Variants in WDR17 observed in about 807,000 individuals in gnomAD.
The protein encoded by WDR17 is WD repeat-containing protein 17.
WDR17 carries 143 observed loss-of-function variants against 161.7 expected under a neutral mutation model. The ratio of observed to expected loss-of-function variants is 0.88; its 90% CI spans 0.77 to 1.02. WDR17 has a LOEUF of 1.02. Among genes scored for constraint, WDR17 ranks in the 50% least tolerant of loss-of-function variants. WDR17 has a pLI of 0.00. For synonymous variants in WDR17, 517 were observed against 515.6 expected, an observed-to-expected ratio of 1.00 and a Z score of -0.04; for missense variants, 1,469 against 1,520.9, an observed-to-expected ratio of 0.97 and a Z score of 0.57.
chr4:176,116,367 T>C (rs1740639486), intron 3 of WDR17, among the ~76,000 whole-genome samples: 1 of 151,892 alleles, frequency 6.6e-6, no homozygotes, highest in Admixed American at 6.6e-5. Flanking sequence ...ATTATGCATA[T>C]ATTTGATGCA....
intron 1 of WDR17, chr4:176,096,725 G>A: frequency 1.7e-6 from 1 of 573,878 alleles, no homozygotes; most frequent in Non-Finnish European, 2.8e-6. Flanking sequence ...ACACTTATTT[G>A]CTAGTTTTAA....
At chr4:176,119,735 A>C in intron 3 of WDR17, 132 bp from the exon 4 acceptor site, 1 of 824,596 alleles carries the variant, frequency 1.2e-6, no homozygotes, top group Non-Finnish European at 1.9e-6. Flanking sequence ...TTATAAATCC[A>C]ATTCCCAAAT....
chr4:176,073,301 A>G (rs6844703), intron 1 of WDR17, among the ~76,000 whole-genome samples: 79,379 of 151,634 alleles, frequency 0.52, 22,172 homozygotes, highest in South Asian at 0.63. Flanking sequence ...TCCCCTTACT[A>G]TGTCCATGTG....
At chr4:176,134,429 A>G (rs1744071276) in intron 7 of WDR17, among the ~76,000 whole-genome samples, 1 of 151,772 alleles carries the variant, frequency 6.6e-6, no homozygotes, top group African/African-American at 2.4e-5. Flanking sequence ...GGCCCACAGT[A>G]GTTAAGCACT....
chr4:176,095,072 G>A (rs575771706), intron 1 of WDR17, among the ~76,000 whole-genome samples: 2 of 152,100 alleles, frequency 1.3e-5, no homozygotes, highest in East Asian at 1.9e-4. Flanking sequence ...GACAAGGTTG[G>A]TAGAGTTGTT....
At chr4:176,111,340 G>T (rs976611126) in intron 1 of WDR17, 3 of 281,040 alleles carry the variant, frequency 1.1e-5, no homozygotes, top group Admixed American at 5.2e-5. Flanking sequence ...AATGTCAGCT[G>T]TCGTTCCTTC....
intron 28 of WDR17, among the ~76,000 whole-genome samples, chr4:176,179,010 A>G (rs536050675): frequency 2.6e-5 from 4 of 152,242 alleles, no homozygotes; most frequent in East Asian, 3.8e-4. Context: ...AACAATATTC[A>G]TCATCTTCTG....
chr4:176,118,642 A>C (rs1255628908), intron 3 of WDR17, among the ~76,000 whole-genome samples: 1 of 152,110 alleles, frequency 6.6e-6, no homozygotes, highest in Non-Finnish European at 1.5e-5. Context: ...TGCTTATTCC[A>C]TGTATTTAAA....
chr4:176,129,425 C>T (rs1244271182), intron 6 of WDR17, among the ~76,000 whole-genome samples: 3 of 151,978 alleles, frequency 2.0e-5, no homozygotes, highest in East Asian at 3.9e-4. Context: ...AAATAAAATA[C>T]ACTTAATTTA....
chr4:176,103,524 T>C (rs1738162534), intron 1 of WDR17, among the ~76,000 whole-genome samples: 1 of 151,892 alleles, frequency 6.6e-6, no homozygotes, highest in Non-Finnish European at 1.5e-5. Flanking sequence ...CTTGGGATGC[T>C]TAAAAACTAA....
intron 1 of WDR17, among the ~76,000 whole-genome samples, chr4:176,069,356 TA>T (rs1464269332): frequency 1.3e-5 from 2 of 152,110 alleles, no homozygotes; most frequent in African/African-American, 4.8e-5. Context: ...TTCTACATTC[TA>T]ATTTAAAAAA....
intron 9 of WDR17, among the ~76,000 whole-genome samples, chr4:176,138,137 A>G (rs1294445080): frequency 6.6e-6 from 1 of 151,648 alleles, no homozygotes; most frequent in Non-Finnish European, 1.5e-5. Flanking sequence ...TTGTCATCCC[A>G]TATTTTACTG....
intron 22 of WDR17, among the ~76,000 whole-genome samples, chr4:176,165,161 TAAAATACAAA>T (rs1367466077): frequency 4.2e-5 from 4 of 94,636 alleles, no homozygotes; most frequent in Non-Finnish European, 9.6e-5. Flanking sequence ...ACCCCATCTC[TAAAATACAAA>T]AAAAAAAAAA....
chr4:176,125,849 A>C (rs1354347528), intron 5 of WDR17, among the ~76,000 whole-genome samples: 1 of 152,196 alleles, frequency 6.6e-6, no homozygotes, highest in Non-Finnish European at 1.5e-5. Context: ...GTTTATAGTA[A>C]TCTAAACTAT....
chr4:176,121,306 A>G (rs1741544705), intron 4 of WDR17, among the ~76,000 whole-genome samples: 1 of 152,206 alleles, frequency 6.6e-6, no homozygotes, highest in Non-Finnish European at 1.5e-5. Flanking sequence ...TAGAATTCAT[A>G]GCTTTCTTTG....
At chr4:176,082,374 TG>T (rs893322840) in intron 1 of WDR17, among the ~76,000 whole-genome samples, 1 of 152,122 alleles carries the variant, frequency 6.6e-6, no homozygotes, top group Non-Finnish European at 1.5e-5. Context: ...TGAAGAAGGC[TG>T]TAAGTAATTG....
chr4:176,145,499 T>C (rs1746019545), intron 11 of WDR17, among the ~76,000 whole-genome samples: 1 of 152,154 alleles, frequency 6.6e-6, no homozygotes, highest in Non-Finnish European at 1.5e-5. Flanking sequence ...AGGGAGCTTT[T>C]CCAGAAAACT....
chr4:176,177,292 A>G (rs1358038320), intron 27 of WDR17, 136 bp downstream of exon 27: 9 of 980,136 alleles, frequency 9.2e-6, no homozygotes, highest in Non-Finnish European at 1.4e-5. Flanking sequence ...TGCAGTAATA[A>G]TTTACAATAC....
At chr4:176,162,778 C>T (rs1749220198) in intron 21 of WDR17, among the ~76,000 whole-genome samples, 1 of 151,964 alleles carries the variant, frequency 6.6e-6, no homozygotes, top group Non-Finnish European at 1.5e-5. Flanking sequence ...GATATATTTG[C>T]TTTAGGAAAT....
Sources: gnomAD v4.1 joint callset for allele counts (sites outside exome capture counted in the v4.1 genomes callset) on GRCh38, gnomAD v4.1.1 for gene constraint, MANE v1.5 for transcripts, NCBI Gene and HGNC (gene_info 2026-07-23, HGNC 2026-07-21) for gene names.